Variants in PTPRT observed in about 807,000 individuals in gnomAD.
PTPRT encodes the protein protein tyrosine phosphatase receptor type T, also known as receptor-type tyrosine-protein phosphatase T.
Under a neutral mutation model 176.8 loss-of-function variants are expected in PTPRT, and 56 were observed. The observed-to-expected ratio is 0.32, with a 90% CI of 0.26 to 0.40. The LOEUF (loss-of-function observed/expected upper bound fraction) is 0.40, where lower values mean the gene tolerates loss of function less well. Among genes scored for constraint, PTPRT ranks in the 10% least tolerant of loss-of-function variants. PTPRT has a pLI of 1.00. For synonymous variants in PTPRT, 783 were observed against 739.0 expected (o/e 1.06, Z -0.96); for missense variants, 1,540 against 1,908.2 (o/e 0.81, Z 3.60).
chr20:43,103,405 T>C (rs953909142), intron 1 of PTPRT, among the ~76,000 whole-genome samples: 2 of 152,182 alleles, frequency 1.3e-5, no homozygotes, highest in Non-Finnish European at 2.9e-5. Flanking sequence ...CAAATCTCTT[T>C]CCCAAGAACG....
At chr20:42,607,314 A>G (rs2073896427) in intron 7 of PTPRT, 1 of 152,186 alleles carries the variant, frequency 6.6e-6, no homozygotes, top group Non-Finnish European at 1.5e-5. Context: ...TCAACTCTAC[A>G]TTTAAAAATG....
chr20:43,035,972 T>G (rs1199649821), intron 1 of PTPRT, among the ~76,000 whole-genome samples: 4 of 152,272 alleles, frequency 2.6e-5, no homozygotes, highest in Admixed American at 2.6e-4. Flanking sequence ...ATACCATCCC[T>G]GGACCAGCAA....
chr20:42,067,143 A>G, the PTPRT span, among the ~76,000 whole-genome samples: 1 of 152,148 alleles, frequency 6.6e-6, no homozygotes, highest in African/African-American at 2.4e-5. Context: ...AGAGAGCATC[A>G]TGGAGGGGCC....
At chr20:42,661,215 T>C (rs2075217757) in intron 7 of PTPRT, among the ~76,000 whole-genome samples, 1 of 152,114 alleles carries the variant, frequency 6.6e-6, no homozygotes, top group Non-Finnish European at 1.5e-5. Context: ...CAAGGTCCTT[T>C]GCGAAGTGAC....
intron 17 of PTPRT, among the ~76,000 whole-genome samples, chr20:42,157,349 CT>C (rs11480507): frequency 2.6e-3 from 367 of 142,384 alleles, no homozygotes; most frequent in African/African-American, 4.8e-3. Context: ...TTTTCTTTTT[CT>C]TTTTTTTTTT....
chr20:43,047,918 C>T (rs565767668), intron 1 of PTPRT, among the ~76,000 whole-genome samples: 3 of 152,262 alleles, frequency 2.0e-5, no homozygotes, highest in African/African-American at 7.2e-5. Flanking sequence ...GAACTCAGGA[C>T]TCTCTCATCA....
At chr20:42,680,160 C>T (rs2075579094) in intron 6 of PTPRT, among the ~76,000 whole-genome samples, 1 of 152,136 alleles carries the variant, frequency 6.6e-6, no homozygotes, top group Non-Finnish European at 1.5e-5. Context: ...CATTTCCCTT[C>T]CAATTAATTA....
chr20:42,856,591 A>G (rs1029489968), intron 2 of PTPRT, among the ~76,000 whole-genome samples: 5 of 151,626 alleles, frequency 3.3e-5, no homozygotes, highest in Non-Finnish European at 7.4e-5. Context: ...TCTCGACAAC[A>G]CCCCCAGGTT....
intron 7 of PTPRT, among the ~76,000 whole-genome samples, chr20:42,611,143 G>A (rs2073969070): frequency 6.6e-6 from 1 of 152,172 alleles, no homozygotes; most frequent in South Asian, 2.1e-4. Flanking sequence ...CATGTACAAG[G>A]TTTCCTGTGG....
chr20:43,008,194 G>C (rs1178161538), intron 1 of PTPRT, among the ~76,000 whole-genome samples: 1 of 151,996 alleles, frequency 6.6e-6, no homozygotes, highest in African/African-American at 2.4e-5. Flanking sequence ...GCCTTTGAGA[G>C]ATAATGAGAT....
At chr20:42,221,251 G>A (rs764326994) in intron 15 of PTPRT, among the ~76,000 whole-genome samples, 2 of 152,096 alleles carry the variant, frequency 1.3e-5, no homozygotes, top group Admixed American at 1.3e-4. Context: ...TGATCCATCC[G>A]CCTTGGCCTC....
At chr20:42,389,513 G>T (rs1444098167) in intron 9 of PTPRT, among the ~76,000 whole-genome samples, 2 of 152,088 alleles carry the variant, frequency 1.3e-5, no homozygotes, top group African/African-American at 4.8e-5. Flanking sequence ...AGGTGTTTAG[G>T]TCATGAGGTG....
intron 17 of PTPRT, among the ~76,000 whole-genome samples, chr20:42,143,213 A>G (rs1988707722): frequency 6.6e-6 from 1 of 152,168 alleles, no homozygotes; most frequent in South Asian, 2.1e-4. Context: ...TCATGTATGG[A>G]ACACAGGCTC....
chr20:42,616,911 C>T (rs2074091289), intron 7 of PTPRT, among the ~76,000 whole-genome samples: 1 of 132,882 alleles, frequency 7.5e-6, no homozygotes, highest in South Asian at 2.4e-4. Flanking sequence ...TCCTCTTTTC[C>T]TAATTGAATA....
At chr20:42,389,292 A>C (rs2425483) in intron 9 of PTPRT, among the ~76,000 whole-genome samples, 24,992 of 152,070 alleles carry the variant, frequency 0.16, 2,251 homozygotes, top group South Asian at 0.2. Context: ...AAGAAACGTG[A>C]TATAGGGTCT....
intron 7 of PTPRT, among the ~76,000 whole-genome samples, chr20:42,490,854 C>T (rs2071550096): frequency 6.6e-6 from 1 of 152,066 alleles, no homozygotes; most frequent in South Asian, 2.1e-4. Flanking sequence ...ACAAAAGTTT[C>T]CCTTTATTTT....
chr20:42,130,507 C>G (rs550238583), intron 18 of PTPRT, among the ~76,000 whole-genome samples: 1 of 152,310 alleles, frequency 6.6e-6, no homozygotes, highest in South Asian at 2.1e-4. Context: ...ACCTAAATAG[C>G]TGACAGGAGA....
At chr20:42,234,828 T>A (rs1202040229) in intron 15 of PTPRT, among the ~76,000 whole-genome samples, 3 of 152,176 alleles carry the variant, frequency 2.0e-5, no homozygotes, top group Non-Finnish European at 4.4e-5. Context: ...AACATGAGGG[T>A]GGTAGTACCC....
At chr20:42,495,131 C>G (rs1307754526) in intron 7 of PTPRT, among the ~76,000 whole-genome samples, 2 of 152,136 alleles carry the variant, frequency 1.3e-5, no homozygotes, top group African/African-American at 4.8e-5. Flanking sequence ...ACTTAAAGAT[C>G]ATCAGGCCTA....
Sources: allele counts gnomAD v4.1 joint callset (sites outside exome capture counted in the v4.1 genomes callset), GRCh38; gene constraint gnomAD v4.1.1; transcripts MANE v1.5; gene names NCBI Gene and HGNC (gene_info 2026-07-23, HGNC 2026-07-21).